SMAP1: variants seen among roughly 807,000 people sequenced by gnomAD.
The protein encoded by SMAP1 is small ArfGAP 1.
A neutral mutation model predicts 58.5 loss-of-function variants in SMAP1; 24 were observed. The ratio of observed to expected loss-of-function variants is 0.41; its 90% CI spans 0.30 to 0.58. The LOEUF is 0.58. Among genes scored for constraint, SMAP1 ranks in the 20% least tolerant of loss-of-function variants. SMAP1 has a pLI of 0.29. For synonymous variants in SMAP1, 216 were observed against 196.6 expected, an observed-to-expected ratio of 1.10 and a Z score of -0.82; for missense variants, 563 against 566.3, an observed-to-expected ratio of 0.99 and a Z score of 0.06.
At chr6:70,752,311 C>G (rs1766313466) in intron 2 of SMAP1, among the ~76,000 whole-genome samples, 1 of 152,210 alleles carries the variant, frequency 6.6e-6, no homozygotes, top group African/African-American at 2.4e-5. Context: ...CCCAGTTCCA[C>G]TGGATGAAGC....
At chr6:70,669,768 C>T (rs1766187892) in intron 1 of SMAP1, among the ~76,000 whole-genome samples, 1 of 152,196 alleles carries the variant, frequency 6.6e-6, no homozygotes, top group Non-Finnish European at 1.5e-5. Context: ...AATATTAAAT[C>T]TGTTCATTAA....
intron 1 of SMAP1, among the ~76,000 whole-genome samples, chr6:70,705,799 T>C (rs1030753107): frequency 1.3e-5 from 2 of 152,156 alleles, no homozygotes; most frequent in Non-Finnish European, 2.9e-5. Flanking sequence ...CCCTACAAGG[T>C]ATAGATCAAC....
chr6:70,856,456 C>T (rs564955509), intron 8 of SMAP1, among the ~76,000 whole-genome samples: 3 of 152,310 alleles, frequency 2.0e-5, no homozygotes, highest in East Asian at 3.9e-4. Context: ...TGCAAATCCT[C>T]TTACAGTCTG....
intron 4 of SMAP1, among the ~76,000 whole-genome samples, chr6:70,775,598 CA>C (rs1767515073): frequency 6.6e-6 from 1 of 152,126 alleles, no homozygotes. Flanking sequence ...AGAGAGAGAA[CA>C]AATATGGCTA....
intron 7 of SMAP1, among the ~76,000 whole-genome samples, chr6:70,849,178 G>C (rs181359195): frequency 3.3e-5 from 5 of 152,230 alleles, no homozygotes; most frequent in Admixed American, 6.5e-5. Context: ...CAGGTTTTTG[G>C]GGGGGTATGA....
intron 1 of SMAP1, among the ~76,000 whole-genome samples, chr6:70,691,245 T>C (rs1382199269): frequency 6.6e-6 from 1 of 152,224 alleles, no homozygotes; most frequent in Non-Finnish European, 1.5e-5. Flanking sequence ...TTTCAAATAA[T>C]CAGTCTTTAT....
chr6:70,779,285 G>T (rs1280290382), intron 4 of SMAP1, among the ~76,000 whole-genome samples: 4 of 152,220 alleles, frequency 2.6e-5, no homozygotes, highest in Non-Finnish European at 5.9e-5. Flanking sequence ...GTCAAGTGAT[G>T]TTGGGAGGGA....
At chr6:70,802,601 C>A (rs558079702) in intron 6 of SMAP1, among the ~76,000 whole-genome samples, 1 of 152,274 alleles carries the variant, frequency 6.6e-6, no homozygotes, top group East Asian at 1.9e-4. Flanking sequence ...AAAGGAAATG[C>A]TTCCAGTTTT....
At chr6:70,749,675 A>G (rs1338086423) in intron 2 of SMAP1, among the ~76,000 whole-genome samples, 1 of 152,044 alleles carries the variant, frequency 6.6e-6, no homozygotes, top group Non-Finnish European at 1.5e-5. Context: ...CTATGCAGAT[A>G]GCTTCCTGAA....
chr6:70,846,029 A>G (rs1429425457), intron 7 of SMAP1, among the ~76,000 whole-genome samples: 1 of 152,158 alleles, frequency 6.6e-6, no homozygotes, highest in African/African-American at 2.4e-5. Flanking sequence ...ATTGGTAGCA[A>G]TGGCTGTGGA....
At chr6:70,834,221 A>G (rs1280062575) in intron 6 of SMAP1, among the ~76,000 whole-genome samples, 3 of 152,186 alleles carry the variant, frequency 2.0e-5, no homozygotes, top group South Asian at 2.1e-4. Context: ...CTTATAAACA[A>G]GAGTTTCTAT....
chr6:70,771,966 C>T (rs1298879254), intron 3 of SMAP1, among the ~76,000 whole-genome samples: 1 of 152,286 alleles, frequency 6.6e-6, no homozygotes, highest in Non-Finnish European at 1.5e-5. Context: ...GGAGCTGTCC[C>T]GTCTGCCCAG....
chr6:70,727,671 T>G (rs561151154), intron 1 of SMAP1, among the ~76,000 whole-genome samples: 2 of 152,362 alleles, frequency 1.3e-5, no homozygotes, highest in South Asian at 4.1e-4. Context: ...TGAAAAAGTC[T>G]TTTATTATTC....
chr6:70,740,554 C>T (rs1293156127), intron 2 of SMAP1, among the ~76,000 whole-genome samples: 1 of 151,192 alleles, frequency 6.6e-6, no homozygotes, highest in African/African-American at 2.4e-5. Flanking sequence ...TGGACCATCT[C>T]CTTTTGTATT....
intron 3 of SMAP1, among the ~76,000 whole-genome samples, chr6:70,757,583 A>G (rs1275309947): frequency 4.6e-5 from 7 of 151,734 alleles, no homozygotes; most frequent in Admixed American, 6.6e-5. Flanking sequence ...TGAACAGGCA[A>G]CCTACAAAAT....
At chr6:70,675,097 A>G (rs1452790408) in intron 1 of SMAP1, among the ~76,000 whole-genome samples, 1 of 151,370 alleles carries the variant, frequency 6.6e-6, no homozygotes, top group East Asian at 1.9e-4. Context: ...TAGATTCATT[A>G]GAAGTTTAGA....
chr6:70,832,402 A>G (rs952040300), intron 6 of SMAP1, among the ~76,000 whole-genome samples: 3 of 152,190 alleles, frequency 2.0e-5, no homozygotes, highest in African/African-American at 7.2e-5. Flanking sequence ...AAAACACAAC[A>G]CCTAGCTATT....
chr6:70,856,921 A>T lies in SMAP1; in HGVS notation c.852A>T (p.Leu284Phe). 1.2e-6 allele frequency: 2 copies of T among 1,613,956 alleles called. No homozygotes were observed. Among genetic ancestry groups the T allele is most frequent in the Non-Finnish European group, 1.7e-6 (2 of 1,179,850 alleles). The change falls in exon 9 of 11, where the codon TTA (leucine) becomes TTT (phenylalanine). Residue 284 changes from leucine (L) to phenylalanine (F), a missense_variant. This residue lies in a region of SMAP1 where 494 missense variants were observed against 473.8 expected (regional missense o/e 1.04). Transcript: ENST00000370455. ...LSTVTSGDLD[L>F]FTEQTTKSEE... is the part of the protein sequence containing the mutation. ...CAGTAACATCTGGGGATCTAGATTT[A>T]TTCACTGAGCAAACTACAAAATCAG...
In SMAP1 at chr6:70,688,318, C is replaced by A. The variant is rs1767016173; in HGVS notation, c.118+20177C>A. On this transcript the variant is annotated intron_variant, in intron 1 of 10. Transcript: ENST00000370455. ...GGTTTTTATTTCTCTGATAAGTGCC[C>A]AGTAGTGCAGTTTGCTGGGTTGTAT... Among the ~76,000 whole-genome samples, 4 of 151,950 alleles carry A rather than the reference C, an allele frequency of 2.6e-5. No homozygotes were observed. The South Asian group carries it at 8.3e-4, about 32-fold the overall frequency.
Sources: gnomAD v4.1 joint callset for allele counts (sites outside exome capture counted in the v4.1 genomes callset) on GRCh38, gnomAD v4.1.1 for gene constraint, gnomAD v4.1.1 regional missense constraint, MANE v1.5 for transcripts, NCBI Gene and HGNC (gene_info 2026-07-23, HGNC 2026-07-21) for gene names.